TESMIN: variants seen among roughly 807,000 people sequenced by gnomAD.
TESMIN encodes the protein testis expressed metallothionein like protein, also known as CXC domain containing 2.
TESMIN carries 34 observed loss-of-function variants against 47.4 expected under a neutral mutation model. The ratio of observed to expected loss-of-function variants is 0.72; its 90% CI spans 0.55 to 0.96. TESMIN has a LOEUF of 0.96. TESMIN is among the 40% of genes least tolerant of loss of function. TESMIN has a pLI of 0.00. For missense variants in TESMIN, 610 were observed against 637.2 expected, an observed-to-expected ratio of 0.96 and a Z score of 0.46; for synonymous variants, 278 against 258.9, an observed-to-expected ratio of 1.07 and a Z score of -0.71.
chr11:68,717,840 C>T (rs571730725), intron 6 of TESMIN, among the ~76,000 whole-genome samples: 1 of 152,230 alleles, frequency 6.6e-6, no homozygotes, highest in Admixed American at 6.5e-5. Flanking sequence ...TCTCTTGGAG[C>T]AAAACCATTG....
chr11:68,715,919 C>T lies in TESMIN; in HGVS notation c.938G>A (p.Ser313Asn), dbSNP rs1414405022. The T allele has an allele frequency of 1.2e-6, 2 of 1,612,372 alleles. No individual in the cohort carries two copies. The highest frequency in any genetic ancestry group is 2.2e-5 in the South Asian group (2 of 91,038). ...TLAGYCDCFA[S>N]GDFCNNCNCN... ...ATTGCAGTTGTTGCAAAAGTCCCCA[C>T]TGGCAAAGCAGTCACAGTACCTGTG... Residue 313 changes from serine (S) to asparagine (N), a missense_variant, in exon 7 of 10, where the codon AGT becomes AAT. Ser to Asn is a conservative substitution (Grantham distance 46, BLOSUM62 1). Transcript: ENST00000255087.
chr11:68,738,127 G>C, intron 6 of TESMIN: 1 of 985,952 alleles, frequency 1.0e-6, no homozygotes, highest in Non-Finnish European at 1.2e-6. Context: ...CACAAGACAG[G>C]CAAGAAATAG....
At chr11:68,733,959 G>C (rs1317261151) in intron 6 of TESMIN, among the ~76,000 whole-genome samples, 1 of 152,080 alleles carries the variant, frequency 6.6e-6, no homozygotes. Context: ...GGGTCCTAAG[G>C]CTCTTCACCC....
rs373516398 is a variant in TESMIN at position 68,738,806 on chromosome 11, C to G, written c.829-18G>C. On this transcript the variant is annotated intron_variant, in intron 5 of 9. Transcript: ENST00000255087. ...CCCTCAAGCTGTTCAAAGTCAAAGG[C>G]AAGGATATTTTGAATTAGCAAGGAT... 1 of 1,595,712 alleles carries G rather than the reference C, an allele frequency of 6.3e-7. No individual in the cohort carries two copies. The highest frequency in any genetic ancestry group is 1.7e-5 in the Admixed American group (1 of 59,498).
downstream of TESMIN, among the ~76,000 whole-genome samples, chr11:68,705,124 A>T (rs534847941): frequency 6.6e-6 from 1 of 152,254 alleles, no homozygotes; most frequent in South Asian, 2.1e-4. Context: ...CAGCACGGAG[A>T]CCGCACAGCC....
intron 6 of TESMIN, among the ~76,000 whole-genome samples, chr11:68,717,040 C>A (rs1013513649): frequency 5.3e-5 from 8 of 152,234 alleles, no homozygotes; most frequent in African/African-American, 1.7e-4. Context: ...CTGAGGGAAA[C>A]CCTGGGCGTG....
chr11:68,725,566 T>C (rs1946252229), intron 6 of TESMIN, among the ~76,000 whole-genome samples: 1 of 152,136 alleles, frequency 6.6e-6, no homozygotes, highest in South Asian at 2.1e-4. Context: ...CTCTGTCAGA[T>C]TCACTTCCCA....
rs1946420330 is a variant in TESMIN, at chr11:68,738,747, G to A, written c.870C>T (p.Phe290=). 1.2e-6 allele frequency: 2 copies of A among 1,613,924 alleles called. No homozygotes were observed. The highest frequency in any genetic ancestry group is 3.3e-5 in the Admixed American group (2 of 60,000). The change falls in exon 6 of 10, where the codon TTC becomes TTT. Residue 290 remains phenylalanine (F), a synonymous_variant. Coordinates refer to ENST00000255087, the MANE Select transcript of TESMIN (RefSeq NM_004923.3). ...ALPSVVNGSA[F]PSGSTLPGPP... is the part of the protein sequence containing the mutation. ...GTCCTGGAAGAGTTGATCCCGAGGG[G>A]AAAGCAGACCCGTTGACTACCGATG...
chr11:68,744,812 CA>C, intron 4 of TESMIN, 178 bp downstream of exon 4: 2 of 497,382 alleles, frequency 4.0e-6, no homozygotes, highest in Non-Finnish European at 6.8e-6. Context: ...GTACAGGGTA[CA>C]AAAATTAGTC....
chr11:68,750,741 C>A, intron 1 of TESMIN, 42 bp from the exon 2 acceptor site: 2 of 864,196 alleles, frequency 2.3e-6, no homozygotes, highest in Admixed American at 5.3e-5. Flanking sequence ...GAGGAGAGGA[C>A]GAGGGGAGGG....
intron 6 of TESMIN, among the ~76,000 whole-genome samples, chr11:68,722,242 T>C (rs1295834799): frequency 6.6e-6 from 1 of 152,080 alleles, no homozygotes; most frequent in East Asian, 1.9e-4. Context: ...GAAAGTAAAA[T>C]AGGGGTTACC....
chr11:68,738,240 C>T, intron 6 of TESMIN: 1 of 993,958 alleles, frequency 1.0e-6, no homozygotes, highest in Non-Finnish European at 1.2e-6. Flanking sequence ...TGCATTAGCA[C>T]CTGCCATAGA....
chr11:68,719,340 G>C (rs1174226839), intron 6 of TESMIN, among the ~76,000 whole-genome samples: 2 of 152,192 alleles, frequency 1.3e-5, no homozygotes, highest in Non-Finnish European at 1.5e-5. Flanking sequence ...AATTCATGAA[G>C]GCTCAGCAGG....
At chr11:68,723,021 C>G (rs1238988369) in intron 6 of TESMIN, among the ~76,000 whole-genome samples, 1 of 152,036 alleles carries the variant, frequency 6.6e-6, no homozygotes, top group Non-Finnish European at 1.5e-5. Flanking sequence ...ATTGAATAAG[C>G]AATTAGCAGA....
chr11:68,742,796 A>G (rs1413128156), intron 4 of TESMIN, among the ~76,000 whole-genome samples: 1 of 152,186 alleles, frequency 6.6e-6, no homozygotes, highest in African/African-American at 2.4e-5. Flanking sequence ...GGCTCAAGCA[A>G]TCCTCCTGCC....
intron 6 of TESMIN, chr11:68,736,157 T>C: frequency 2.0e-6 from 2 of 985,214 alleles, no homozygotes; most frequent in Non-Finnish European, 2.4e-6. Flanking sequence ...TTTATTATGA[T>C]GTTCATTATG....
At chr11:68,717,492 G>C (rs1326770702) in intron 6 of TESMIN, among the ~76,000 whole-genome samples, 3 of 152,224 alleles carry the variant, frequency 2.0e-5, no homozygotes, top group Non-Finnish European at 4.4e-5. Flanking sequence ...GGAGAAAGGG[G>C]AACTATAGAG....
At position 68,744,988 on chromosome 11, in the gene TESMIN, T is replaced by C; in HGVS notation, c.751+3A>G. 6.4e-7 allele frequency: 1 copy of C among 1,553,434 alleles called. No individual in the cohort carries two copies. Among genetic ancestry groups the C allele is most frequent in the Middle Eastern group, 1.7e-4 (1 of 5,892 alleles). On this transcript the variant is annotated splice_donor_region_variant and intron_variant, in intron 4 of 9. Coordinates refer to ENST00000255087, the MANE Select transcript of TESMIN (RefSeq NM_004923.3). ...TAGTTTTTTTTATTAATTAACTTTG[T>C]ACCTGACTGTAGATAATTATTTTGA...
Position 68,750,310 on chromosome 11 carries a change from C to A in TESMIN, c.351G>T (p.Pro117=), listed in dbSNP as rs1477526742. The change falls in exon 2 of 10, where the codon CCG becomes CCT. Residue 117 remains proline (P), a synonymous_variant. Transcript: ENST00000255087. ...ACAGGAAGTGCACGTTGCAGGCGGG[C>A]GGCTGCGGGGCCTGCAGGAGCGCGA... ...EDVALLQAPQ[P]PACNVHFLSS... The A allele has an allele frequency of 6.6e-7, 1 of 1,524,030 alleles. No individual in the cohort carries two copies. Among genetic ancestry groups the A allele is most frequent in the Middle Eastern group, 1.7e-4 (1 of 5,736 alleles). The allele number at this position is 1,524,030 out of a possible 1,614,324, so 94.4% of individuals were successfully genotyped here. A position where few individuals can be genotyped will look rare whatever the true frequency, so the allele number is the denominator to read the frequency against.
Sources: gnomAD v4.1 joint callset for allele counts (sites outside exome capture counted in the v4.1 genomes callset) on GRCh38, gnomAD v4.1.1 for gene constraint, MANE v1.5 for transcripts, NCBI Gene and HGNC (gene_info 2026-07-23, HGNC 2026-07-21) for gene names.